Variants in PPP6C observed in about 807,000 individuals in gnomAD.
PPP6C encodes serine/threonine-protein phosphatase 6 catalytic subunit.
PPP6C carries 11 observed loss-of-function variants against 39.8 expected under a neutral mutation model. The observed-to-expected ratio is 0.28, with a 90% confidence interval of 0.17 to 0.46. The LOEUF (loss-of-function observed/expected upper bound fraction) is 0.46, where lower values mean the gene tolerates loss of function less well. Among genes scored for constraint, PPP6C ranks in the 20% least tolerant of loss-of-function variants. PPP6C has a pLI of 1.00. For missense variants in PPP6C, 211 were observed against 373.9 expected, an observed-to-expected ratio of 0.56 and a Z score of 3.59; for synonymous variants, 129 against 130.3, an observed-to-expected ratio of 0.99 and a Z score of 0.07.
In PPP6C at chr9:125,148,981, A is replaced by G. The variant is rs1186120007; in HGVS notation, c.*692T>C. On this transcript the variant is annotated 3_prime_UTR_variant, in exon 7 of 7. Coordinates refer to ENST00000373547, the MANE Select transcript of PPP6C (RefSeq NM_002721.5). ...CAATGTAAGCTGTTTAAAATTTCTA[A>G]CACTTAACCTATCTGAGTTTTATTT... 2 of 152,190 alleles carry G rather than the reference A, an allele frequency of 1.3e-5. No individual in the cohort carries two copies. Among genetic ancestry groups the G allele is most frequent in the African/African-American group, 4.8e-5 (2 of 41,458 alleles). The allele number at this position is 152,190 out of a possible 1,614,324, so 9.4% of individuals were successfully genotyped here.
At chr9:125,158,949 C>T (rs1362698202) in intron 3 of PPP6C, among the ~76,000 whole-genome samples, 1 of 151,740 alleles carries the variant, frequency 6.6e-6, no homozygotes, top group African/African-American at 2.4e-5. Flanking sequence ...TAGATGTGAG[C>T]CACCACACCT....
At chr9:125,187,287 C>CT (rs113668325) in intron 1 of PPP6C, among the ~76,000 whole-genome samples, 56 of 149,588 alleles carry the variant, frequency 3.7e-4, no homozygotes, top group Admixed American at 1.5e-3. Flanking sequence ...ATTTCCTTTT[C>CT]TTTTTTTTTG....
At chr9:125,166,959 G>A (rs913978128) in intron 2 of PPP6C, among the ~76,000 whole-genome samples, 4 of 152,024 alleles carry the variant, frequency 2.6e-5, no homozygotes, top group Non-Finnish European at 5.9e-5. Flanking sequence ...GAGTGCAGTG[G>A]CACAATAATA....
At chr9:125,155,394 T>C (rs549776396) in intron 4 of PPP6C, among the ~76,000 whole-genome samples, 3 of 152,196 alleles carry the variant, frequency 2.0e-5, no homozygotes, top group African/African-American at 7.2e-5. Context: ...CAATTATATA[T>C]CTACGTGAAG....
intron 3 of PPP6C, among the ~76,000 whole-genome samples, chr9:125,160,332 T>C (rs1828837539): frequency 6.6e-6 from 1 of 152,174 alleles, no homozygotes; most frequent in African/African-American, 2.4e-5. Flanking sequence ...GGCAATTAAT[T>C]AGAGGACATA....
At chr9:125,177,401 G>C (rs1385657114) in intron 1 of PPP6C, among the ~76,000 whole-genome samples, 1 of 151,194 alleles carries the variant, frequency 6.6e-6, no homozygotes, top group African/African-American at 2.4e-5. Context: ...AAATCTTAAA[G>C]TACAGAGTTC....
intron 6 of PPP6C, 149 bp downstream of exon 6, chr9:125,153,384 T>C: frequency 1.4e-6 from 1 of 716,100 alleles, no homozygotes; most frequent in South Asian, 1.9e-5. Context: ...AAGAAAGACA[T>C]ACGTTAATAA....
chr9:125,186,109 A>G (rs1829525785), intron 1 of PPP6C, among the ~76,000 whole-genome samples: 1 of 152,096 alleles, frequency 6.6e-6, no homozygotes, highest in Non-Finnish European at 1.5e-5. Context: ...AATCAATTTA[A>G]AACACAAGTA....
At chr9:125,175,642 CAAAAA>C (rs1188824495) in intron 1 of PPP6C, among the ~76,000 whole-genome samples, 2 of 55,860 alleles carry the variant, frequency 3.6e-5, no homozygotes, top group Non-Finnish European at 7.9e-5. Context: ...GACTCCGTCT[CAAAAA>C]AAAAAAAAAA....
chr9:125,162,669 G>C (rs950169000), intron 2 of PPP6C, among the ~76,000 whole-genome samples: 10 of 150,426 alleles, frequency 6.6e-5, no homozygotes, highest in South Asian at 4.2e-4. Flanking sequence ...CCTGCTACTC[G>C]GGAGGCTGAG....
intron 1 of PPP6C, among the ~76,000 whole-genome samples, chr9:125,179,655 CTTTTTTTT>C (rs56221170): frequency 0.01 from 1,364 of 132,420 alleles, 18 homozygotes; most frequent in South Asian, 0.038. Flanking sequence ...TTCTCTCTCT[CTTTTTTTT>C]TTTTTTTTTG....
At position 125,185,059 on chromosome 9, in the gene PPP6C, C is replaced by T. The variant is rs578184304; in HGVS notation, c.75+4585G>A. On this transcript the variant is annotated intron_variant, in intron 1 of 6. Coordinates refer to ENST00000373547, the MANE Select transcript of PPP6C (RefSeq NM_002721.5). ...CAACCTCCAAGTTATAGAACCCCTGCTCCCCAAAAATATTAATACTTAAAT... is the reference window on the plus strand; with the variant it reads ...CAACCTCCAAGTTATAGAACCCCTGTTCCCCAAAAATATTAATACTTAAAT... Among the ~76,000 whole-genome samples, 5 of 151,702 alleles carry T rather than the reference C, an allele frequency of 3.3e-5. 1 individual carries two copies. The South Asian group carries it at 8.3e-4, about 25-fold the overall frequency.
chr9:125,171,495 AT>A (rs1352307355), intron 1 of PPP6C, among the ~76,000 whole-genome samples: 1 of 99,058 alleles, frequency 1.0e-5, no homozygotes, highest in Non-Finnish European at 2.1e-5. Flanking sequence ...ATATATATAT[AT>A]ATATATATAT....
intron 3 of PPP6C, among the ~76,000 whole-genome samples, chr9:125,160,026 A>T (rs1828822893): frequency 6.6e-6 from 1 of 152,196 alleles, no homozygotes; most frequent in Non-Finnish European, 1.5e-5. Context: ...CTCAAAAAAA[A>T]AAAATAAGAA....
intron 1 of PPP6C, among the ~76,000 whole-genome samples, chr9:125,187,140 T>G (rs549042042): frequency 6.6e-6 from 1 of 150,940 alleles, no homozygotes; most frequent in East Asian, 2.0e-4. Context: ...ACAGACGGGG[T>G]TTCACCATGT....
intron 1 of PPP6C, 22 bp downstream of exon 1, chr9:125,189,622 C>A (rs755197080): frequency 1.9e-6 from 3 of 1,612,224 alleles, no homozygotes; most frequent in Non-Finnish European, 2.5e-6. Flanking sequence ...CCGGAAGGGG[C>A]GAGCCCGCAA....
At chr9:125,172,010 A>T in intron 1 of PPP6C, 1 of 462,900 alleles carries the variant, frequency 2.2e-6, no homozygotes, top group Non-Finnish European at 4.4e-6. Flanking sequence ...AACTAAAAAC[A>T]AATCAGATAT....
chr9:125,165,155 C>T (rs1022111780), intron 2 of PPP6C, among the ~76,000 whole-genome samples: 1 of 152,056 alleles, frequency 6.6e-6, no homozygotes, highest in Admixed American at 6.6e-5. Flanking sequence ...TCCTGAAAAT[C>T]TTTTATGTAA....
At chr9:125,185,192 CAT>C (rs1564160004) in intron 1 of PPP6C, among the ~76,000 whole-genome samples, 1 of 151,762 alleles carries the variant, frequency 6.6e-6, no homozygotes, top group Non-Finnish European at 1.5e-5. Flanking sequence ...GATAAAATCA[CAT>C]GAGCTCTTTA....
Sources: allele counts gnomAD v4.1 joint callset (sites outside exome capture counted in the v4.1 genomes callset), GRCh38; gene constraint gnomAD v4.1.1; transcripts MANE v1.5; gene names NCBI Gene and HGNC (gene_info 2026-07-23, HGNC 2026-07-21).